FSTL4: variants seen among roughly 807,000 people sequenced by gnomAD.
FSTL4 encodes the protein follistatin like 4, also known as follistatin-related protein 4.
In FSTL4, 28 loss-of-function variants were observed where a neutral mutation model predicts 78.2. That is an observed-to-expected ratio of 0.36 (90% CI 0.27 to 0.49). The LOEUF (loss-of-function observed/expected upper bound fraction) is 0.49, where lower values mean the gene tolerates loss of function less well. Ranked by LOEUF, FSTL4 falls within the 20% of genes least tolerant of loss-of-function variation. The probability of loss-of-function intolerance (pLI) is 0.98; values close to 1 mark genes in which losing one functional copy is unlikely to be tolerated. For missense variants in FSTL4, 922 were observed against 1,084.9 expected (o/e 0.85, Z 2.11); for synonymous variants, 422 against 440.5 (o/e 0.96, Z 0.53).
intron 4 of FSTL4, among the ~76,000 whole-genome samples, chr5:133,382,632 C>T (rs895250567): frequency 3.9e-5 from 6 of 152,158 alleles, no homozygotes; most frequent in African/African-American, 4.8e-5. Flanking sequence ...GGACCATGAA[C>T]GGTCAGATGG....
chr5:133,240,283 C>A (rs1751808938), intron 7 of FSTL4, among the ~76,000 whole-genome samples: 1 of 152,198 alleles, frequency 6.6e-6, no homozygotes, highest in Admixed American at 6.5e-5. Context: ...GACCAAGAAC[C>A]CACCAATTCC....
At chr5:133,700,182 TCACACCAAACCAC>T in the FSTL4 span, among the ~76,000 whole-genome samples, 5 of 143,720 alleles carry the variant, frequency 3.5e-5, no homozygotes, top group East Asian at 6.3e-4. Flanking sequence ...CACCAAACCA[TCACACCAAACCAC>T]CACACCAAAC....
At chr5:133,654,693 G>A in the FSTL4 span, among the ~76,000 whole-genome samples, 2 of 152,224 alleles carry the variant, frequency 1.3e-5, no homozygotes, top group Non-Finnish European at 2.9e-5. Flanking sequence ...CCAGGGCTGA[G>A]TTCAGAGCCA....
chr5:133,474,177 C>T (rs897291151), intron 3 of FSTL4, among the ~76,000 whole-genome samples: 1 of 152,126 alleles, frequency 6.6e-6, no homozygotes, highest in African/African-American at 2.4e-5. Flanking sequence ...CTGGGGTGGC[C>T]TCTTGCATAC....
At chr5:133,721,097 T>G in the FSTL4 span, among the ~76,000 whole-genome samples, 1 of 152,238 alleles carries the variant, frequency 6.6e-6, no homozygotes, top group Non-Finnish European at 1.5e-5. Flanking sequence ...GAACATCTTT[T>G]TATGTGTTTG....
chr5:133,815,693 T>A, the FSTL4 span, among the ~76,000 whole-genome samples: 1 of 152,200 alleles, frequency 6.6e-6, no homozygotes. Context: ...GGGAATCGTA[T>A]TTTTAAATAT....
chr5:133,340,625 C>A (rs529939113), intron 4 of FSTL4, among the ~76,000 whole-genome samples: 1 of 152,188 alleles, frequency 6.6e-6, no homozygotes, highest in African/African-American at 2.4e-5. Context: ...GGCAGGAAGG[C>A]CATAAAAGAA....
At chr5:133,558,658 C>G (rs528321978) in intron 3 of FSTL4, among the ~76,000 whole-genome samples, 46 of 152,050 alleles carry the variant, frequency 3.0e-4, no homozygotes, top group Middle Eastern at 3.4e-3. Context: ...TAATGCAGGC[C>G]CTGACGCATT....
chr5:133,686,988 G>A, the FSTL4 span, among the ~76,000 whole-genome samples: 5 of 152,232 alleles, frequency 3.3e-5, no homozygotes, highest in Non-Finnish European at 7.3e-5. Context: ...TGTTCCCCGG[G>A]TGAAGGAGGC....
chr5:133,521,586 A>G (rs1758983225), intron 3 of FSTL4, among the ~76,000 whole-genome samples: 1 of 152,204 alleles, frequency 6.6e-6, no homozygotes, highest in Non-Finnish European at 1.5e-5. Context: ...TGATTCCAAA[A>G]TAGCAACTCC....
chr5:133,264,373 A>G (rs78923492), intron 6 of FSTL4, among the ~76,000 whole-genome samples: 6,517 of 151,166 alleles, frequency 0.043, 426 homozygotes, highest in African/African-American at 0.14. Context: ...CCCTGTCCTA[A>G]CTCACCCGTG....
the FSTL4 span, among the ~76,000 whole-genome samples, chr5:133,673,010 T>C: frequency 6.6e-6 from 1 of 152,120 alleles, no homozygotes; most frequent in Non-Finnish European, 1.5e-5. Context: ...CTGGACAACT[T>C]GAAGCAAAGG....
chr5:133,464,165 T>A (rs1243389958), intron 3 of FSTL4, among the ~76,000 whole-genome samples: 23 of 152,138 alleles, frequency 1.5e-4, no homozygotes, highest in Non-Finnish European at 4.4e-5. Context: ...TAAGCAGTGT[T>A]GGGGCCGCCC....
At chr5:133,365,520 A>G (rs1755166071) in intron 4 of FSTL4, among the ~76,000 whole-genome samples, 1 of 152,086 alleles carries the variant, frequency 6.6e-6, no homozygotes, top group African/African-American at 2.4e-5. Context: ...TTTGCTAATC[A>G]GCACCCCTGC....
At chr5:133,750,676 C>T in the FSTL4 span, among the ~76,000 whole-genome samples, 2 of 152,172 alleles carry the variant, frequency 1.3e-5, no homozygotes, top group African/African-American at 2.4e-5. Flanking sequence ...CTCCCTGTCC[C>T]GGCTCCTAAC....
the FSTL4 span, among the ~76,000 whole-genome samples, chr5:133,722,754 G>C: frequency 6.6e-6 from 1 of 152,180 alleles, no homozygotes; most frequent in African/African-American, 2.4e-5. Context: ...TTTCAGAGGG[G>C]AAGATTTTCA....
chr5:133,707,461 G>A, the FSTL4 span, among the ~76,000 whole-genome samples: 36,597 of 152,018 alleles, frequency 0.24, 4,992 homozygotes, highest in African/African-American at 0.37. Flanking sequence ...ACCAAATAGC[G>A]CCAAACAATT....
chr5:133,451,994 T>C (rs972267180), intron 3 of FSTL4, among the ~76,000 whole-genome samples: 7 of 152,134 alleles, frequency 4.6e-5, no homozygotes, highest in African/African-American at 7.2e-5. Flanking sequence ...GCACTGTAGA[T>C]GCAGATACAA....
the FSTL4 span, among the ~76,000 whole-genome samples, chr5:133,653,516 G>T: frequency 6.6e-6 from 1 of 152,064 alleles, no homozygotes. Flanking sequence ...TCTTCCTCCC[G>T]CTGAGGATTA....
Sources: allele counts gnomAD v4.1 joint callset (sites outside exome capture counted in the v4.1 genomes callset), GRCh38; gene constraint gnomAD v4.1.1; transcripts MANE v1.5; gene names NCBI Gene and HGNC (gene_info 2026-07-23, HGNC 2026-07-21).